The following TBC1D12 variants were observed in gnomAD, a reference collection of about 807,000 sequenced individuals.
TBC1D12 encodes the protein TBC1 domain family member 12, also known as TBC1 domain family, member 12.
Under a neutral mutation model 86.7 loss-of-function variants are expected in TBC1D12, and 56 were observed. The ratio of observed to expected loss-of-function variants is 0.65; its 90% CI spans 0.52 to 0.81. TBC1D12 has a LOEUF of 0.81. TBC1D12 is among the 30% of genes least tolerant of loss of function. The probability of loss-of-function intolerance (pLI) is 0.00; values close to 1 mark genes in which losing one functional copy is unlikely to be tolerated. For missense variants in TBC1D12, 1,023 were observed against 1,038.8 expected (o/e 0.98, Z 0.21); for synonymous variants, 421 against 411.7 (o/e 1.02, Z -0.27).
At chr10:94,481,870 A>T (rs1385328509) in intron 3 of TBC1D12, among the ~76,000 whole-genome samples, 1 of 151,984 alleles carries the variant, frequency 6.6e-6, no homozygotes. Flanking sequence ...AGATACTTTG[A>T]TACAGGCATG....
chr10:94,402,728 T>C lies in TBC1D12; in HGVS notation c.115T>C (p.Phe39Leu). The change falls in exon 1 of 13, where the codon TTT becomes CTT. Residue 39 changes from phenylalanine to leucine, a missense_variant. Transcript: ENST00000225235. ...GAAGGTAATCCGGGCCACGGGCGGC[T>C]TTGGCGGAGGCGTCGGCGCTGTGGA... ...DRKVIRATGG[F>L]GGGVGAVEPP... The C allele has an allele frequency of 6.4e-7, 1 of 1,568,092 alleles. No homozygotes were observed.
At chr10:94,477,664 C>T (rs534303165) in intron 3 of TBC1D12, among the ~76,000 whole-genome samples, 1 of 152,236 alleles carries the variant, frequency 6.6e-6, no homozygotes, top group South Asian at 2.1e-4. Context: ...TGGATGCAGG[C>T]AGATTCAAGA....
chr10:94,466,695 C>T (rs757471366), intron 2 of TBC1D12, among the ~76,000 whole-genome samples: 2 of 152,134 alleles, frequency 1.3e-5, no homozygotes, highest in Non-Finnish European at 2.9e-5. Flanking sequence ...ATAAATACCT[C>T]TCATTCAGTT....
intron 2 of TBC1D12, among the ~76,000 whole-genome samples, chr10:94,450,174 C>G (rs996548648): frequency 8.6e-5 from 13 of 152,028 alleles, no homozygotes; most frequent in African/African-American, 2.7e-4. Context: ...GTGCATATAT[C>G]TATATCTATA....
chr10:94,447,933 A>T (rs1158726684), intron 2 of TBC1D12, among the ~76,000 whole-genome samples: 1 of 151,082 alleles, frequency 6.6e-6, no homozygotes, highest in Non-Finnish European at 1.5e-5. Context: ...TCTCTCAGTG[A>T]AACTTACCTT....
intron 11 of TBC1D12, among the ~76,000 whole-genome samples, chr10:94,530,969 C>T (rs1413780621): frequency 6.6e-6 from 1 of 151,326 alleles, no homozygotes; most frequent in South Asian, 2.1e-4. Flanking sequence ...GAGCGATTCT[C>T]CTGCCTCAGC....
intron 12 of TBC1D12, among the ~76,000 whole-genome samples, chr10:94,532,424 G>A (rs557862008): frequency 1.3e-5 from 2 of 152,184 alleles, no homozygotes; most frequent in East Asian, 1.9e-4. Flanking sequence ...TGATCTGCCC[G>A]CCTCAGCCTC....
chr10:94,408,577 A>G (rs1183611004), intron 1 of TBC1D12, among the ~76,000 whole-genome samples: 1 of 152,174 alleles, frequency 6.6e-6, no homozygotes, highest in Non-Finnish European at 1.5e-5. Flanking sequence ...AGGTTCTCAG[A>G]AACAACAAAG....
intron 2 of TBC1D12, among the ~76,000 whole-genome samples, chr10:94,447,073 A>AC (rs1310786762): frequency 6.6e-5 from 10 of 151,892 alleles, no homozygotes; most frequent in Non-Finnish European, 1.2e-4. Context: ...AAAAAAAAAA[A>AC]AAACCTTTTT....
At chr10:94,460,087 C>T (rs150814912) in intron 2 of TBC1D12, among the ~76,000 whole-genome samples, 3,331 of 152,140 alleles carry the variant, frequency 0.022, 124 homozygotes, top group African/African-American at 0.074. Flanking sequence ...CAAAAATTAG[C>T]TGGGCATGGT....
intron 9 of TBC1D12, among the ~76,000 whole-genome samples, chr10:94,518,168 TTCTCCTAGGAC>T: frequency 6.6e-6 from 1 of 152,214 alleles, no homozygotes; most frequent in African/African-American, 2.4e-5. Context: ...GTTCTCTTTT[TTCTCCTAGGAC>T]TCTCCCTCAA....
intron 1 of TBC1D12, among the ~76,000 whole-genome samples, chr10:94,414,744 C>T (rs773976383): frequency 2.1e-4 from 32 of 151,954 alleles, no homozygotes; most frequent in Non-Finnish European, 3.4e-4. Context: ...GGATTACAGG[C>T]GTGCACCTCA....
intron 4 of TBC1D12, 24 bp downstream of exon 4, chr10:94,493,471 T>C (rs761112711): frequency 6.6e-7 from 1 of 1,522,948 alleles, no homozygotes; most frequent in Admixed American, 1.8e-5. Flanking sequence ...CTCCAAATGG[T>C]ATAATTTTCT....
chr10:94,532,889 G>C, intron 12 of TBC1D12, 139 bp from the exon 13 acceptor site: 1 of 502,436 alleles, frequency 2.0e-6, no homozygotes, highest in Non-Finnish European at 3.4e-6. Flanking sequence ...AAAATAAAGG[G>C]GATTTGAGAA....
At chr10:94,429,980 C>A (rs977544070) in intron 1 of TBC1D12, among the ~76,000 whole-genome samples, 2 of 152,168 alleles carry the variant, frequency 1.3e-5, no homozygotes, top group African/African-American at 2.4e-5. Flanking sequence ...AAGATACCCA[C>A]CTGCCTTGGC....
chr10:94,420,819 A>G (rs906960074), intron 1 of TBC1D12, among the ~76,000 whole-genome samples: 1 of 152,144 alleles, frequency 6.6e-6, no homozygotes, highest in Non-Finnish European at 1.5e-5. Context: ...TGCTGCTAGT[A>G]TCATTTGTGT....
intron 2 of TBC1D12, among the ~76,000 whole-genome samples, chr10:94,470,687 A>C (rs1485526544): frequency 1.5e-5 from 2 of 129,508 alleles, no homozygotes; most frequent in East Asian, 4.2e-4. Context: ...ACAATTTGTA[A>C]TTCTTTTTTT....
At chr10:94,421,439 G>A (rs77347525) in intron 1 of TBC1D12, among the ~76,000 whole-genome samples, 1,858 of 152,200 alleles carry the variant, frequency 0.012, 55 homozygotes, top group African/African-American at 0.043. Context: ...TGGACACTTG[G>A]GTTGTTTCCA....
chr10:94,489,026 C>A (rs1026689782), intron 3 of TBC1D12, among the ~76,000 whole-genome samples: 1 of 152,152 alleles, frequency 6.6e-6, no homozygotes, highest in Non-Finnish European at 1.5e-5. Flanking sequence ...CTCACTGTGT[C>A]ATCTACTGCC....
Sources: allele counts gnomAD v4.1 joint callset (sites outside exome capture counted in the v4.1 genomes callset), GRCh38; gene constraint gnomAD v4.1.1; transcripts MANE v1.5; gene names NCBI Gene and HGNC (gene_info 2026-07-23, HGNC 2026-07-21).